The following CSMD3 variants were observed in gnomAD, a reference collection of about 807,000 sequenced individuals.
CSMD3 encodes the protein CUB and Sushi multiple domains 3.
CSMD3 carries 177 observed loss-of-function variants against 435.2 expected under a neutral mutation model. The observed-to-expected ratio is 0.41, with a 90% CI of 0.36 to 0.46. The LOEUF (loss-of-function observed/expected upper bound fraction) is 0.46. Among genes scored for constraint, CSMD3 ranks in the 20% least tolerant of loss-of-function variants. The pLI is 0.34. For missense variants in CSMD3, 4,265 were observed against 4,504.6 expected (o/e 0.95, Z 1.52); for synonymous variants, 1,656 against 1,520.5 (o/e 1.09, Z -2.07).
At chr8:112,568,192 G>C (rs1214608335) in intron 24 of CSMD3, among the ~76,000 whole-genome samples, 1 of 152,110 alleles carries the variant, frequency 6.6e-6, no homozygotes, top group African/African-American at 2.4e-5. Flanking sequence ...TCAAACCAGA[G>C]TTGACTGAGA....
intron 3 of CSMD3, among the ~76,000 whole-genome samples, chr8:113,182,403 T>C (rs78712689): frequency 1.3e-5 from 2 of 151,764 alleles, no homozygotes; most frequent in African/African-American, 2.4e-5. Context: ...TCTGAATAGG[T>C]TGATACATAT....
chr8:112,690,558 C>G (rs2076109955), intron 13 of CSMD3, among the ~76,000 whole-genome samples: 1 of 148,996 alleles, frequency 6.7e-6, no homozygotes, highest in African/African-American at 2.5e-5. Flanking sequence ...CACTCTGGTA[C>G]TAGTTGGTTG....
chr8:113,027,936 T>C (rs569763493), intron 5 of CSMD3, among the ~76,000 whole-genome samples: 2 of 152,236 alleles, frequency 1.3e-5, no homozygotes, highest in South Asian at 4.1e-4. Context: ...AAATACCAAA[T>C]TTTAATCAAG....
At chr8:113,250,550 A>C (rs2093325460) in intron 3 of CSMD3, among the ~76,000 whole-genome samples, 1 of 152,146 alleles carries the variant, frequency 6.6e-6, no homozygotes. Flanking sequence ...TTTTCAAAAG[A>C]TTCCATTAGA....
At chr8:113,354,872 C>T (rs1271256977) in intron 1 of CSMD3, among the ~76,000 whole-genome samples, 1 of 152,100 alleles carries the variant, frequency 6.6e-6, no homozygotes, top group Non-Finnish European at 1.5e-5. Flanking sequence ...CTCCTGGGCC[C>T]AAGCACTCCA....
At chr8:112,536,874 A>G (rs1185698327) in intron 27 of CSMD3, among the ~76,000 whole-genome samples, 1 of 152,068 alleles carries the variant, frequency 6.6e-6, no homozygotes, top group Non-Finnish European at 1.5e-5. Flanking sequence ...TTGTAGGGAC[A>G]TGGATGAAAT....
At chr8:112,929,187 GC>G (rs1169523442) in intron 9 of CSMD3, among the ~76,000 whole-genome samples, 1 of 135,356 alleles carries the variant, frequency 7.4e-6, no homozygotes. Context: ...CTGGATATTA[GC>G]CCTTTGTCAG....
At chr8:112,410,341 A>G (rs1403379233) in intron 32 of CSMD3, among the ~76,000 whole-genome samples, 1 of 151,152 alleles carries the variant, frequency 6.6e-6, no homozygotes, top group Non-Finnish European at 1.5e-5. Context: ...ATTTCCTAGA[A>G]GTCATGAATA....
intron 18 of CSMD3, among the ~76,000 whole-genome samples, chr8:112,653,729 G>A (rs971902277): frequency 1.4e-5 from 2 of 145,672 alleles, no homozygotes; most frequent in African/African-American, 2.6e-5. Flanking sequence ...GTGTGATCTC[G>A]GCTCACTGCA....
intron 2 of CSMD3, among the ~76,000 whole-genome samples, chr8:113,303,085 A>G (rs1376607628): frequency 4.4e-5 from 6 of 135,848 alleles, no homozygotes; most frequent in Admixed American, 7.9e-5. Flanking sequence ...AAATCAATGT[A>G]CAAAAATCAC....
intron 22 of CSMD3, among the ~76,000 whole-genome samples, chr8:112,606,249 C>T (rs1832782807): frequency 6.6e-6 from 1 of 152,154 alleles, no homozygotes; most frequent in Non-Finnish European, 1.5e-5. Flanking sequence ...ATTTCTCCTA[C>T]ATGGAAAGTA....
chr8:112,375,158 C>T (rs761682687), intron 38 of CSMD3, among the ~76,000 whole-genome samples: 4 of 152,070 alleles, frequency 2.6e-5, no homozygotes, highest in Non-Finnish European at 4.4e-5. Context: ...AGGACAGTGG[C>T]TTTCTTTGAT....
intron 13 of CSMD3, among the ~76,000 whole-genome samples, chr8:112,731,352 G>A (rs1167305267): frequency 6.6e-6 from 1 of 152,100 alleles, no homozygotes; most frequent in Non-Finnish European, 1.5e-5. Context: ...TAGAGAATCT[G>A]TGCAACTATA....
In CSMD3 at chr8:112,953,248, T is replaced by C. The variant is rs555996933; in HGVS notation, c.1420+1436A>G. Among the ~76,000 whole-genome samples, 16 of 151,722 alleles carry C rather than the reference T, an allele frequency of 1.1e-4. No homozygotes were observed. The East Asian group carries it at 2.7e-3, about 26-fold the overall frequency. On this transcript the variant is annotated intron_variant, in intron 8 of 70. Coordinates refer to ENST00000297405, the MANE Select transcript of CSMD3 (RefSeq NM_198123.2). ...TTTAATTTTGCTAACATTTAAGTTTTATTTCATGATGACCTGAAGAAATTT... is the reference window on the plus strand; with the variant it reads ...TTTAATTTTGCTAACATTTAAGTTTCATTTCATGATGACCTGAAGAAATTT...
At chr8:112,845,008 A>G (rs62516545) in intron 11 of CSMD3, among the ~76,000 whole-genome samples, 20,039 of 152,012 alleles carry the variant, frequency 0.13, 1,801 homozygotes, top group Non-Finnish European at 0.2. Context: ...GGTATACCCA[A>G]TGGTTAGTAG....
At chr8:113,189,126 T>G (rs1394157647) in intron 3 of CSMD3, among the ~76,000 whole-genome samples, 1 of 151,896 alleles carries the variant, frequency 6.6e-6, no homozygotes, top group Non-Finnish European at 1.5e-5. Context: ...AGTTCATTTA[T>G]CTTTACTGAG....
intron 13 of CSMD3, among the ~76,000 whole-genome samples, chr8:112,719,588 G>A (rs1013098116): frequency 3.3e-5 from 5 of 152,030 alleles, no homozygotes; most frequent in African/African-American, 1.2e-4. Context: ...TCTTAGAAGG[G>A]CACTGATCCC....
chr8:113,107,521 C>T (rs1366780381), intron 4 of CSMD3, among the ~76,000 whole-genome samples: 3 of 152,130 alleles, frequency 2.0e-5, no homozygotes, highest in African/African-American at 7.2e-5. Context: ...CTGCAGAACC[C>T]ATGGAAATGA....
At chr8:112,238,410 C>T (rs937403110) in intron 66 of CSMD3, among the ~76,000 whole-genome samples, 6 of 152,026 alleles carry the variant, frequency 3.9e-5, no homozygotes, top group Non-Finnish European at 5.9e-5. Context: ...GAAAGCAAAA[C>T]CACTGTGGCA....
Sources: gnomAD v4.1 joint callset for allele counts (sites outside exome capture counted in the v4.1 genomes callset) on GRCh38, gnomAD v4.1.1 for gene constraint, MANE v1.5 for transcripts, NCBI Gene and HGNC (gene_info 2026-07-23, HGNC 2026-07-21) for gene names.